Variants in RGL1 observed in about 807,000 individuals in gnomAD.
RGL1 encodes ral guanine nucleotide dissociation stimulator like 1, also known as ral guanine nucleotide dissociation stimulator-like 1.
Under a neutral mutation model 95.2 loss-of-function variants are expected in RGL1, and 24 were observed. That is an observed-to-expected ratio of 0.25 (90% CI 0.18 to 0.35). The LOEUF (loss-of-function observed/expected upper bound fraction) is 0.35, where lower values mean the gene tolerates loss of function less well. RGL1 is among the 10% of genes least tolerant of loss of function. The pLI, the probability that RGL1 is intolerant of heterozygous loss-of-function variation, is 1.00. For missense variants in RGL1, 715 were observed against 936.3 expected (o/e 0.76, Z 3.08); for synonymous variants, 329 against 344.9 (o/e 0.95, Z 0.51).
chr1:183,891,750 T>G (rs1265762804), intron 8 of RGL1, among the ~76,000 whole-genome samples: 3 of 143,734 alleles, frequency 2.1e-5, no homozygotes, highest in Admixed American at 6.9e-5. Flanking sequence ...TTTTTTTTTT[T>G]TTTTTTTTTT....
At chr1:183,797,946 C>T (rs1161810784) in intron 2 of RGL1, among the ~76,000 whole-genome samples, 2 of 152,160 alleles carry the variant, frequency 1.3e-5, no homozygotes, top group Non-Finnish European at 2.9e-5. Context: ...GATTTATTTG[C>T]TTATGTCCTC....
intron 2 of RGL1, among the ~76,000 whole-genome samples, chr1:183,757,162 G>A (rs1043465132): frequency 3.3e-5 from 5 of 152,128 alleles, no homozygotes; most frequent in South Asian, 4.1e-4. Flanking sequence ...TGTTCTCTAC[G>A]TGAAATTAAA....
intron 1 of RGL1, among the ~76,000 whole-genome samples, chr1:183,668,755 TG>T (rs1432213203): frequency 6.6e-6 from 1 of 152,086 alleles, no homozygotes; most frequent in East Asian, 1.9e-4. Context: ...AACATTAATT[TG>T]GGGGAAATTT....
intron 1 of RGL1, among the ~76,000 whole-genome samples, chr1:183,649,890 T>C (rs114933460): frequency 0.082 from 12,434 of 152,256 alleles, 1,001 homozygotes; most frequent in African/African-American, 0.21. Context: ...TGGCTCACTG[T>C]GGCCCCAACC....
At chr1:183,767,956 G>GA (rs34733204) in intron 2 of RGL1, among the ~76,000 whole-genome samples, 65,042 of 150,380 alleles carry the variant, frequency 0.43, 15,000 homozygotes, top group East Asian at 0.76. Context: ...CCGTCTCAAA[G>GA]AAAAAAAAAA....
intron 1 of RGL1, among the ~76,000 whole-genome samples, chr1:183,667,162 T>C (rs1453734856): frequency 1.3e-5 from 2 of 152,198 alleles, no homozygotes; most frequent in Non-Finnish European, 2.9e-5. Context: ...TTTCTTTCGA[T>C]TATTATTAGC....
chr1:183,678,222 A>G (rs1410336410), intron 1 of RGL1, among the ~76,000 whole-genome samples: 1 of 152,192 alleles, frequency 6.6e-6, no homozygotes, highest in East Asian at 1.9e-4. Context: ...CTCCTAGGCA[A>G]TGAAACAGTT....
intron 1 of RGL1, among the ~76,000 whole-genome samples, chr1:183,671,938 C>CT (rs545807956): frequency 0.076 from 10,522 of 137,812 alleles, 674 homozygotes; most frequent in African/African-American, 0.18. Context: ...TTTTTTTTTT[C>CT]TTTTTTTTTT....
At chr1:183,737,721 A>G (rs1457720032) in intron 1 of RGL1, among the ~76,000 whole-genome samples, 2 of 152,170 alleles carry the variant, frequency 1.3e-5, no homozygotes, top group East Asian at 3.8e-4. Flanking sequence ...TTGAGGCAGT[A>G]TGCAATCACA....
At chr1:183,858,272 C>T (rs1453416896) in intron 3 of RGL1, among the ~76,000 whole-genome samples, 1 of 152,086 alleles carries the variant, frequency 6.6e-6, no homozygotes, top group Non-Finnish European at 1.5e-5. Flanking sequence ...AGTGATTGAT[C>T]ACAAACCCCT....
chr1:183,779,370 T>A (rs555461250), intron 2 of RGL1, among the ~76,000 whole-genome samples: 1 of 152,140 alleles, frequency 6.6e-6, no homozygotes, highest in South Asian at 2.1e-4. Context: ...TGCCTCAGCC[T>A]CCTTAGTAGC....
rs1322622380 is a variant in RGL1, at chr1:183,839,014, T to C, written c.139-8552T>C. ...GGGAAGGTACATATGTCAGCACATA[T>C]GTGAATCTGGTGGTGAAGATTTCTT... is the stretch of plus-strand genomic sequence containing the variant. On this transcript the variant is annotated intron_variant, in intron 2 of 17. Coordinates refer to ENST00000360851, the MANE Select transcript of RGL1 (RefSeq NM_001297671.3). 5.3e-5 allele frequency among the ~76,000 whole-genome samples: 8 copies of C among 152,320 alleles called. No homozygotes were observed. In the East Asian group the frequency reaches 7.7e-4, roughly 15 times the overall value.
At chr1:183,650,772 G>C (rs186551189) in intron 1 of RGL1, among the ~76,000 whole-genome samples, 1 of 148,852 alleles carries the variant, frequency 6.7e-6, no homozygotes, top group East Asian at 1.9e-4. Context: ...TTGTCAAATC[G>C]CTTCCTAGGA....
At chr1:183,802,993 G>A (rs1276264500), upstream of RGL1, among the ~76,000 whole-genome samples, 1 of 152,186 alleles carries the variant, frequency 6.6e-6, no homozygotes, top group Non-Finnish European at 1.5e-5. Context: ...GGACTGAACT[G>A]CCTACTGATG....
intron 13 of RGL1, 127 bp downstream of exon 13, chr1:183,905,098 G>T: frequency 8.6e-7 from 1 of 1,159,540 alleles, no homozygotes; most frequent in Non-Finnish European, 1.2e-6. Context: ...CCAGGTCCTT[G>T]GTTTTCAAAG....
At chr1:183,684,334 A>G (rs936020912) in intron 1 of RGL1, among the ~76,000 whole-genome samples, 3 of 151,952 alleles carry the variant, frequency 2.0e-5, no homozygotes, top group African/African-American at 7.3e-5. Flanking sequence ...GATGCTGGTG[A>G]CTTTGGATGG....
At chr1:183,694,584 C>T (rs1024612049) in intron 1 of RGL1, among the ~76,000 whole-genome samples, 1 of 152,122 alleles carries the variant, frequency 6.6e-6, no homozygotes, top group Non-Finnish European at 1.5e-5. Context: ...AAATATACTG[C>T]AGTATGTTGC....
At chr1:183,892,568 T>C (rs552509587) in intron 9 of RGL1, among the ~76,000 whole-genome samples, 1 of 152,288 alleles carries the variant, frequency 6.6e-6, no homozygotes, top group East Asian at 1.9e-4. Context: ...TTGGACTAAA[T>C]TGCACAATCT....
At chr1:183,665,565 A>T (rs2102037402) in intron 1 of RGL1, among the ~76,000 whole-genome samples, 1 of 152,316 alleles carries the variant, frequency 6.6e-6, no homozygotes, top group African/African-American at 2.4e-5. Flanking sequence ...TCTTTGATAG[A>T]TATAGGCCCA....
Sources: allele counts gnomAD v4.1 joint callset (sites outside exome capture counted in the v4.1 genomes callset), GRCh38; gene constraint gnomAD v4.1.1; transcripts MANE v1.5; gene names NCBI Gene and HGNC (gene_info 2026-07-23, HGNC 2026-07-21).